Variants in ACVR1 observed in about 807,000 individuals in gnomAD.
The protein encoded by ACVR1 is activin receptor type-1.
ACVR1 carries 38 observed loss-of-function variants against 57.1 expected under a neutral mutation model. The observed-to-expected ratio is 0.67, with a 90% confidence interval of 0.51 to 0.87. The LOEUF is 0.87. ACVR1 is among the 40% of genes least tolerant of loss of function. ACVR1 has a pLI of 0.00. For synonymous variants in ACVR1, 212 were observed against 228.1 expected, an observed-to-expected ratio of 0.93 and a Z score of 0.63; for missense variants, 463 against 638.2, an observed-to-expected ratio of 0.73 and a Z score of 2.96.
At position 157,841,033 on chromosome 2, in the gene ACVR1, C is replaced by T. The variant is rs543048100; in HGVS notation, c.-182-22474G>A. ...CCCCTGGTGGTAACAGAACTTCAGG[C>T]CTTTTGCCCAAGAAATTCAGCACAA... is the stretch of plus-strand genomic sequence containing the variant. On this transcript the variant is annotated intron_variant, in intron 1 of 10. Coordinates refer to ENST00000434821, the MANE Select transcript of ACVR1 (RefSeq NM_001111067.4). Among the ~76,000 whole-genome samples, 3 of 152,328 alleles carry T rather than the reference C, an allele frequency of 2.0e-5. No homozygotes were observed. In the East Asian group the frequency reaches 5.8e-4, roughly 29 times the overall value.
At chr2:157,810,609 CT>C (rs1223548635) in intron 2 of ACVR1, among the ~76,000 whole-genome samples, 1 of 152,214 alleles carries the variant, frequency 6.6e-6, no homozygotes, top group Non-Finnish European at 1.5e-5. Flanking sequence ...AATAATCTCT[CT>C]GGCAGTGGGG....
At chr2:157,755,293 T>C (rs577484343) in intron 9 of ACVR1, among the ~76,000 whole-genome samples, 122 of 152,192 alleles carry the variant, frequency 8.0e-4, no homozygotes, top group East Asian at 4.4e-3. Context: ...ATAAAGGGCA[T>C]GTGAACTGGT....
At chr2:157,756,864 C>A (rs988231834) in intron 9 of ACVR1, among the ~76,000 whole-genome samples, 1 of 151,352 alleles carries the variant, frequency 6.6e-6, no homozygotes, top group Non-Finnish European at 1.5e-5. Context: ...TTTATAGCAG[C>A]ACAGTTTGCA....
chr2:157,806,293 C>G (rs6714084), intron 2 of ACVR1, among the ~76,000 whole-genome samples: 3,393 of 152,064 alleles, frequency 0.022, 120 homozygotes, highest in African/African-American at 0.077. Flanking sequence ...CTGTGACCCC[C>G]AATCATCTCC....
chr2:157,741,574 G>A (rs541578514), intron 9 of ACVR1, among the ~76,000 whole-genome samples: 11 of 151,274 alleles, frequency 7.3e-5, no homozygotes, highest in African/African-American at 1.2e-4. Flanking sequence ...GCAGTGAGCC[G>A]AGATAGTGCC....
At chr2:157,866,856 G>C (rs1689958209) in intron 1 of ACVR1, among the ~76,000 whole-genome samples, 1 of 152,188 alleles carries the variant, frequency 6.6e-6, no homozygotes, top group African/African-American at 2.4e-5. Context: ...ACTGTTTGTA[G>C]CTGGTTCATT....
chr2:157,765,809 T>A, intron 8 of ACVR1, 112 bp downstream of exon 8: 1 of 1,109,526 alleles, frequency 9.0e-7, no homozygotes, highest in Non-Finnish European at 1.3e-6. Context: ...ATGTTCAACT[T>A]TTCTGCATGT....
intron 5 of ACVR1, among the ~76,000 whole-genome samples, chr2:157,777,361 T>C (rs1226936227): frequency 1.3e-5 from 2 of 152,200 alleles, no homozygotes; most frequent in Admixed American, 6.5e-5. Flanking sequence ...TGATATATGC[T>C]ATAGGTGTAA....
intron 1 of ACVR1, among the ~76,000 whole-genome samples, chr2:157,820,166 AT>A (rs1224634160): frequency 7.9e-5 from 12 of 152,246 alleles, no homozygotes; most frequent in African/African-American, 2.9e-4. Flanking sequence ...CACAGTAAGA[AT>A]AAGACATGTA....
chr2:157,757,475 A>G (rs1685481521), intron 9 of ACVR1, among the ~76,000 whole-genome samples: 1 of 151,936 alleles, frequency 6.6e-6, no homozygotes, highest in Admixed American at 6.6e-5. Flanking sequence ...GTCAATGACA[A>G]AGAGAAAATT....
intron 1 of ACVR1, among the ~76,000 whole-genome samples, chr2:157,821,570 T>C (rs1688162356): frequency 6.6e-6 from 1 of 152,068 alleles, no homozygotes; most frequent in African/African-American, 2.4e-5. Flanking sequence ...ATCAGTGCCA[T>C]GAAATGAATA....
Position 157,761,861 on chromosome 2 carries a change from C to T in ACVR1, c.1067-784G>A, listed in dbSNP as rs550535434. Reference sequence around the variant, plus strand: ...GACTGACTGAAAATGATTCCTATAACATTTGTTGTAATGAAAAGTGCCAAA... The same window carrying T: ...GACTGACTGAAAATGATTCCTATAATATTTGTTGTAATGAAAAGTGCCAAA... On this transcript the variant is annotated intron_variant, in intron 8 of 10. Coordinates refer to ENST00000434821, the MANE Select transcript of ACVR1 (RefSeq NM_001111067.4). 2.0e-4 allele frequency among the ~76,000 whole-genome samples: 30 copies of T among 152,322 alleles called. No homozygotes were observed. In the South Asian group the frequency reaches 6.0e-3, roughly 31 times the overall value.
chr2:157,768,240 C>T (rs1211788892), intron 7 of ACVR1, among the ~76,000 whole-genome samples: 2 of 152,162 alleles, frequency 1.3e-5, no homozygotes, highest in African/African-American at 4.8e-5. Context: ...CCCCTCGATG[C>T]TGCTTCTCTT....
chr2:157,826,823 A>T (rs1172364064), intron 1 of ACVR1, among the ~76,000 whole-genome samples: 3 of 131,736 alleles, frequency 2.3e-5, no homozygotes, highest in Admixed American at 7.3e-5. Context: ...AGGAAAGGGG[A>T]GAGGGGAGAG....
chr2:157,834,126 C>T (rs1433345259), intron 1 of ACVR1, among the ~76,000 whole-genome samples: 1 of 152,138 alleles, frequency 6.6e-6, no homozygotes, highest in Non-Finnish European at 1.5e-5. Context: ...TTAAAATCAC[C>T]TGTCGCCCAG....
chr2:157,804,189 T>TAG, intron 2 of ACVR1, among the ~76,000 whole-genome samples: 1 of 152,326 alleles, frequency 6.6e-6, no homozygotes, highest in South Asian at 2.1e-4. Context: ...GTAACTGCCT[T>TAG]AGTCCTTAAA....
At chr2:157,805,532 C>T (rs932046663) in intron 2 of ACVR1, among the ~76,000 whole-genome samples, 1 of 152,106 alleles carries the variant, frequency 6.6e-6, no homozygotes, top group Non-Finnish European at 1.5e-5. Context: ...CTGTACTATG[C>T]CTTCCATAAG....
At chr2:157,860,518 T>C (rs1001300764) in intron 1 of ACVR1, among the ~76,000 whole-genome samples, 7 of 152,250 alleles carry the variant, frequency 4.6e-5, no homozygotes, top group African/African-American at 1.7e-4. Flanking sequence ...AATGGTTTTC[T>C]TCAAAGCCAA....
At chr2:157,833,241 G>A (rs1041189580) in intron 1 of ACVR1, among the ~76,000 whole-genome samples, 5 of 152,158 alleles carry the variant, frequency 3.3e-5, no homozygotes, top group African/African-American at 1.2e-4. Context: ...ATACTGCACA[G>A]GTTGGCTTCC....
Sources: gnomAD v4.1 joint callset for allele counts (sites outside exome capture counted in the v4.1 genomes callset) on GRCh38, gnomAD v4.1.1 for gene constraint, MANE v1.5 for transcripts, NCBI Gene and HGNC (gene_info 2026-07-23, HGNC 2026-07-21) for gene names.